The following FHIT variants were observed in gnomAD, a reference collection of about 807,000 sequenced individuals.
FHIT encodes the protein fragile histidine triad diadenosine triphosphatase, also known as bis(5'-adenosyl)-triphosphatase.
In FHIT, 19 loss-of-function variants were observed where a neutral mutation model predicts 17.9. The ratio of observed to expected loss-of-function variants is 1.06; its 90% CI spans 0.74 to 1.56. The LOEUF is 1.56. FHIT is among the 40% of genes most tolerant of loss of function. The pLI, the probability that FHIT is intolerant of heterozygous loss-of-function variation, is 0.00. For synonymous variants in FHIT, 81 were observed against 69.7 expected (o/e 1.16, Z -0.81); for missense variants, 248 against 189.2 (o/e 1.31, Z -1.82).
intron 7 of FHIT, among the ~76,000 whole-genome samples, chr3:59,945,785 A>C (rs768493296): frequency 6.6e-6 from 1 of 152,158 alleles, no homozygotes; most frequent in Non-Finnish European, 1.5e-5. Context: ...CCATTTATTG[A>C]AAAAGGAGTC....
intron 9 of FHIT, chr3:59,750,776 T>C (rs915674480): frequency 4.7e-6 from 1 of 211,110 alleles, no homozygotes; most frequent in African/African-American, 2.3e-5. Flanking sequence ...AGTGCACATA[T>C]ATTTAAAGCT....
chr3:60,704,232 A>G (rs967315276), intron 4 of FHIT, among the ~76,000 whole-genome samples: 1 of 152,178 alleles, frequency 6.6e-6, no homozygotes, highest in Non-Finnish European at 1.5e-5. Context: ...TCACAATGAA[A>G]CCTAGATGGT....
intron 5 of FHIT, among the ~76,000 whole-genome samples, chr3:60,313,434 A>G (rs1709033391): frequency 6.6e-6 from 1 of 152,192 alleles, no homozygotes; most frequent in Non-Finnish European, 1.5e-5. Context: ...GCAGGCTGGC[A>G]GGGGAGGAGT....
intron 5 of FHIT, among the ~76,000 whole-genome samples, chr3:60,474,900 G>T (rs1481264883): frequency 6.6e-6 from 1 of 152,114 alleles, no homozygotes; most frequent in East Asian, 1.9e-4. Context: ...TGGGATTACA[G>T]GCGTGAGCCA....
rs1041145895 is a variant in FHIT at position 59,984,389 on chromosome 3, T to A, written c.279+26982A>T. Among the ~76,000 whole-genome samples the A allele has an allele frequency of 4.5e-5, 6 of 133,828 alleles. No homozygotes were observed. The Admixed American group carries it at 5.0e-4, about 11-fold the overall frequency. 87.8% of individuals were successfully genotyped at this position (133,828 alleles called of 152,430 possible). A position where few individuals can be genotyped will look rare whatever the true frequency, so the allele number is the denominator to read the frequency against. On this transcript the variant is annotated intron_variant, in intron 7 of 9. Coordinates refer to ENST00000492590, the MANE Select transcript of FHIT (RefSeq NM_002012.4). ...GTGCTTCAAGCAATTGGGGCTCAAA[T>A]CCACTGGGGGGGGCTCTGGAAGACA...
chr3:59,778,665 G>A (rs112601062), intron 8 of FHIT, among the ~76,000 whole-genome samples: 1 of 152,176 alleles, frequency 6.6e-6, no homozygotes, highest in Non-Finnish European at 1.5e-5. Context: ...TGGCATGTGG[G>A]CCACAACTGG....
chr3:59,779,655 G>T (rs939754153), intron 8 of FHIT, among the ~76,000 whole-genome samples: 3 of 151,954 alleles, frequency 2.0e-5, no homozygotes, highest in African/African-American at 7.3e-5. Context: ...ACAATAAAAG[G>T]CCTTGATACA....
At chr3:60,574,055 C>G (rs1482288854) in intron 4 of FHIT, among the ~76,000 whole-genome samples, 1 of 152,076 alleles carries the variant, frequency 6.6e-6, no homozygotes, top group Non-Finnish European at 1.5e-5. Context: ...AGCGATCCAC[C>G]CGCCTCAGCC....
chr3:60,419,241 G>T (rs1025946219), intron 5 of FHIT, among the ~76,000 whole-genome samples: 1 of 152,118 alleles, frequency 6.6e-6, no homozygotes, highest in African/African-American at 2.4e-5. Flanking sequence ...GTTTCGTGAG[G>T]GTTGTGATTT....
At chr3:60,334,900 A>G (rs1371045616) in intron 5 of FHIT, among the ~76,000 whole-genome samples, 5 of 152,238 alleles carry the variant, frequency 3.3e-5, no homozygotes, top group Non-Finnish European at 5.9e-5. Context: ...CATTCAAGAA[A>G]TTGTATGGCT....
intron 3 of FHIT, among the ~76,000 whole-genome samples, chr3:60,919,757 C>T (rs1245879893): frequency 2.0e-5 from 3 of 152,126 alleles, no homozygotes; most frequent in African/African-American, 7.2e-5. Flanking sequence ...GTGCATAGGC[C>T]AGGCGCAGTG....
chr3:60,532,184 C>A (rs2035811339), intron 5 of FHIT, among the ~76,000 whole-genome samples: 1 of 152,180 alleles, frequency 6.6e-6, no homozygotes, highest in South Asian at 2.1e-4. Flanking sequence ...TGTCATTACA[C>A]ACCCTATTCA....
chr3:60,898,845 T>C (rs1705959530), intron 3 of FHIT, among the ~76,000 whole-genome samples: 1 of 152,172 alleles, frequency 6.6e-6, no homozygotes, highest in Non-Finnish European at 1.5e-5. Context: ...CTAAGAAATT[T>C]ATGGAAAGGA....
intron 5 of FHIT, among the ~76,000 whole-genome samples, chr3:60,344,952 T>C (rs187694959): frequency 6.6e-6 from 1 of 152,288 alleles, no homozygotes; most frequent in East Asian, 1.9e-4. Context: ...CACAAAACTA[T>C]TTCAAAACAA....
intron 5 of FHIT, among the ~76,000 whole-genome samples, chr3:60,455,496 G>T (rs2032032341): frequency 6.6e-6 from 1 of 152,176 alleles, no homozygotes. Flanking sequence ...CCAGTTTAGT[G>T]TGAGGATCAA....
intron 3 of FHIT, among the ~76,000 whole-genome samples, chr3:60,897,949 T>C (rs1553762278): frequency 6.6e-6 from 1 of 152,208 alleles, no homozygotes; most frequent in Non-Finnish European, 1.5e-5. Flanking sequence ...GGGTACATTT[T>C]CTCTTATTAT....
At chr3:60,109,061 G>A (rs976114305) in intron 5 of FHIT, among the ~76,000 whole-genome samples, 1 of 152,066 alleles carries the variant, frequency 6.6e-6, no homozygotes, top group Non-Finnish European at 1.5e-5. Context: ...TGCTAACTGG[G>A]AGCTTCCTAA....
intron 5 of FHIT, among the ~76,000 whole-genome samples, chr3:60,380,186 G>C (rs1418090807): frequency 2.0e-5 from 3 of 152,172 alleles, no homozygotes; most frequent in African/African-American, 7.2e-5. Context: ...CATGGGGGTA[G>C]ATCTGTAATG....
chr3:60,065,903 C>T (rs557159612), intron 5 of FHIT, among the ~76,000 whole-genome samples: 3 of 152,126 alleles, frequency 2.0e-5, no homozygotes, highest in African/African-American at 7.2e-5. Context: ...TTCTTCCTAC[C>T]GTGAATTTGA....
Sources: allele counts gnomAD v4.1 joint callset (sites outside exome capture counted in the v4.1 genomes callset), GRCh38; gene constraint gnomAD v4.1.1; transcripts MANE v1.5; gene names NCBI Gene and HGNC (gene_info 2026-07-23, HGNC 2026-07-21).